TMX4: variants seen among roughly 807,000 people sequenced by gnomAD.
TMX4 encodes thioredoxin related transmembrane protein 4.
TMX4 carries 23 observed loss-of-function variants against 33.3 expected under a neutral mutation model. That is an observed-to-expected ratio of 0.69 (90% CI 0.50 to 0.98). The LOEUF (loss-of-function observed/expected upper bound fraction) is 0.98. TMX4 is among the 50% of genes least tolerant of loss of function. The pLI, the probability that TMX4 is intolerant of heterozygous loss-of-function variation, is 0.00. For missense variants in TMX4, 399 were observed against 448.9 expected, an observed-to-expected ratio of 0.89 and a Z score of 1.01; for synonymous variants, 164 against 161.5, an observed-to-expected ratio of 1.02 and a Z score of -0.12.
intron 1 of TMX4, among the ~76,000 whole-genome samples, chr20:8,013,069 A>C (rs893393351): frequency 6.6e-6 from 1 of 152,190 alleles, no homozygotes; most frequent in Non-Finnish European, 1.5e-5. Context: ...ACTAAGTAAA[A>C]TATCTCCAGG....
chr20:7,990,197 G>C (rs1243753263), intron 5 of TMX4, among the ~76,000 whole-genome samples: 1 of 151,834 alleles, frequency 6.6e-6, no homozygotes, highest in Non-Finnish European at 1.5e-5. Context: ...TGGGAGACTG[G>C]GGCAGGAGAA....
chr20:8,006,428 CT>C (rs2050730822), intron 2 of TMX4, among the ~76,000 whole-genome samples: 1 of 152,192 alleles, frequency 6.6e-6, no homozygotes, highest in South Asian at 2.1e-4. Flanking sequence ...CTTACTAGCA[CT>C]TCTGTGGCAA....
intron 5 of TMX4, among the ~76,000 whole-genome samples, chr20:7,992,929 T>C (rs115151117): frequency 0.011 from 1,631 of 152,330 alleles, 19 homozygotes; most frequent in Middle Eastern, 0.027. Context: ...GAAAAAACGT[T>C]TTTAAAAATC....
At chr20:7,993,135 T>G (rs2050662204) in intron 5 of TMX4, among the ~76,000 whole-genome samples, 1 of 152,204 alleles carries the variant, frequency 6.6e-6, no homozygotes, top group Admixed American at 6.5e-5. Flanking sequence ...GATATTTCAG[T>G]AAGATAAAGA....
chr20:8,018,346 GAGGGA>G (rs1568540908), intron 1 of TMX4, among the ~76,000 whole-genome samples: 13 of 86,556 alleles, frequency 1.5e-4, no homozygotes, highest in African/African-American at 5.0e-4. Flanking sequence ...AGAGAGAGAG[GAGGGA>G]GAGAGAGAGA....
chr20:8,001,254 C>T (rs1480956015), intron 3 of TMX4, among the ~76,000 whole-genome samples: 2 of 152,124 alleles, frequency 1.3e-5, no homozygotes, highest in East Asian at 3.9e-4. Context: ...ATTACCCCAC[C>T]TCTGATATCA....
At chr20:7,995,143 A>G (rs2050670519) in intron 5 of TMX4, among the ~76,000 whole-genome samples, 1 of 152,186 alleles carries the variant, frequency 6.6e-6, no homozygotes, top group South Asian at 2.1e-4. Context: ...AACATATATG[A>G]ATGTGTATGA....
In TMX4 at chr20:7,982,226, T is replaced by C; in HGVS notation, c.*25A>G. On this transcript the variant is annotated 3_prime_UTR_variant, in exon 8 of 8. Coordinates refer to ENST00000246024, the MANE Select transcript of TMX4 (RefSeq NM_021156.4). Reference sequence around the variant, plus strand: ...GAAGCTGACATATTGTTTTGGTGTGTATTCTTGAAAACGCATCATTAAATC... The same window carrying C: ...GAAGCTGACATATTGTTTTGGTGTGCATTCTTGAAAACGCATCATTAAATC... 6.3e-7 allele frequency: 1 copy of C among 1,599,614 alleles called. No individual in the cohort carries two copies.
chr20:8,011,049 C>T (rs1320638196), intron 1 of TMX4, among the ~76,000 whole-genome samples: 1 of 151,986 alleles, frequency 6.6e-6, no homozygotes, highest in Non-Finnish European at 1.5e-5. Context: ...GCATGGGGGG[C>T]AAACATCATA....
At chr20:7,999,983 T>C in intron 3 of TMX4, 123 bp from the exon 4 acceptor site, 1 of 992,110 alleles carries the variant, frequency 1.0e-6, no homozygotes, top group Middle Eastern at 2.6e-4. Flanking sequence ...TTGACTCAAT[T>C]GAAAAATATA....
intron 6 of TMX4, among the ~76,000 whole-genome samples, chr20:7,985,607 T>C (rs879580853): frequency 4.6e-5 from 7 of 152,174 alleles, no homozygotes; most frequent in African/African-American, 9.7e-5. Flanking sequence ...TATGTGTTTG[T>C]TATTTTTTGG....
chr20:8,008,571 G>A (rs944879914), intron 2 of TMX4, among the ~76,000 whole-genome samples: 1 of 152,078 alleles, frequency 6.6e-6, no homozygotes, highest in African/African-American at 2.4e-5. Context: ...CCCATCACAA[G>A]GCTGTTTAAT....
At chr20:8,004,054 G>A (rs2050717663) in intron 2 of TMX4, among the ~76,000 whole-genome samples, 1 of 151,696 alleles carries the variant, frequency 6.6e-6, no homozygotes, top group East Asian at 1.9e-4. Context: ...ATCCAGAACA[G>A]TCGAAGTCTT....
intron 7 of TMX4, among the ~76,000 whole-genome samples, chr20:7,983,343 C>A (rs1358650751): frequency 6.6e-6 from 1 of 152,188 alleles, no homozygotes; most frequent in Non-Finnish European, 1.5e-5. Flanking sequence ...TCATGAACAT[C>A]TTTATGCAGT....
chr20:8,005,518 G>C (rs747591850), intron 2 of TMX4, among the ~76,000 whole-genome samples: 1 of 152,216 alleles, frequency 6.6e-6, no homozygotes, highest in African/African-American at 2.4e-5. Context: ...TCGGGGCTGT[G>C]CCCATGGACC....
intron 5 of TMX4, among the ~76,000 whole-genome samples, chr20:7,991,935 CTG>C (rs777639036): frequency 5.1e-4 from 77 of 152,240 alleles, no homozygotes; most frequent in Middle Eastern, 3.4e-3. Context: ...CTGTAGCCAA[CTG>C]TGAAAAGAGG....
At chr20:8,018,390 G>GTCTC (rs2050787665) in intron 1 of TMX4, among the ~76,000 whole-genome samples, 1 of 39,880 alleles carries the variant, frequency 2.5e-5, no homozygotes, top group Non-Finnish European at 4.0e-5. Flanking sequence ...GAGAGAGAGA[G>GTCTC]AGGGAGGGAG....
At position 8,001,509 on chromosome 20, in the gene TMX4, G is replaced by A. The variant is rs757495559; in HGVS notation, c.325C>T (p.Pro109Ser). Residue 109 changes from proline (P) to serine (S), a missense_variant, in exon 3 of 8, where the codon CCA becomes TCA. Transcript: ENST00000246024. ...ATTTAAACTTACTGAAAAAATGCTG[G>A]GAGAGTGGTGACAAAGAAGCGGCCA... ...LSGRFFVTTL[P>S]AFFHAKDGIF... The A allele has an allele frequency of 6.3e-7, 1 of 1,599,260 alleles. No homozygotes were observed. The highest frequency in any genetic ancestry group is 1.7e-5 in the Admixed American group (1 of 58,932).
intron 4 of TMX4, among the ~76,000 whole-genome samples, chr20:7,997,250 G>GT (rs917601700): frequency 6.6e-6 from 1 of 151,798 alleles, no homozygotes; most frequent in Non-Finnish European, 1.5e-5. Flanking sequence ...TTGTCTGTAG[G>GT]TTTTTTTGTG....
Sources: gnomAD v4.1 joint callset for allele counts (sites outside exome capture counted in the v4.1 genomes callset) on GRCh38, gnomAD v4.1.1 for gene constraint, MANE v1.5 for transcripts, NCBI Gene and HGNC (gene_info 2026-07-23, HGNC 2026-07-21) for gene names.